Variants in BPGM observed in about 807,000 individuals in gnomAD.
The protein encoded by BPGM is bisphosphoglycerate mutase.
BPGM carries 15 observed loss-of-function variants against 21.6 expected under a neutral mutation model. The observed-to-expected ratio is 0.70, with a 90% CI of 0.47 to 1.07. The LOEUF (loss-of-function observed/expected upper bound fraction) is 1.07. Among genes scored for constraint, BPGM ranks in the 50% least tolerant of loss-of-function variants. The pLI is 0.00. For synonymous variants in BPGM, 113 were observed against 116.2 expected, an observed-to-expected ratio of 0.97 and a Z score of 0.18; for missense variants, 273 against 319.0, an observed-to-expected ratio of 0.86 and a Z score of 1.10.
chr7:134,663,386 T>TGTGTG (rs750220362), intron 2 of BPGM, among the ~76,000 whole-genome samples: 10 of 126,582 alleles, frequency 7.9e-5, no homozygotes, highest in African/African-American at 2.8e-4. Flanking sequence ...GTGTGTGTGT[T>TGTGTG]TGTGTGTGTG....
intron 2 of BPGM, among the ~76,000 whole-genome samples, chr7:134,671,507 AC>A (rs1468080434): frequency 1.3e-5 from 2 of 151,802 alleles, no homozygotes; most frequent in East Asian, 3.9e-4. Flanking sequence ...GACTACAGGT[AC>A]CCGCCACCAC....
intron 2 of BPGM, among the ~76,000 whole-genome samples, chr7:134,669,765 G>A (rs898700986): frequency 6.6e-5 from 10 of 152,016 alleles, no homozygotes; most frequent in Admixed American, 6.6e-5. Flanking sequence ...TAATGCTTTC[G>A]GAAGAAGTCA....
chr7:134,658,892 A>ATTTTTTTTTTT (rs1554411129), intron 1 of BPGM, among the ~76,000 whole-genome samples: 1 of 143,898 alleles, frequency 6.9e-6, no homozygotes. Flanking sequence ...GTGTGTGTGT[A>ATTTTTTTTTTT]TTTTTTTTTT....
At chr7:134,668,986 C>T (rs1489227567) in intron 2 of BPGM, among the ~76,000 whole-genome samples, 1 of 152,172 alleles carries the variant, frequency 6.6e-6, no homozygotes, top group Non-Finnish European at 1.5e-5. Flanking sequence ...TATTACACTA[C>T]TGTATGCAGT....
chr7:134,671,098 TTC>T (rs1383656336), intron 2 of BPGM, among the ~76,000 whole-genome samples: 2 of 152,180 alleles, frequency 1.3e-5, no homozygotes, highest in African/African-American at 4.8e-5. Context: ...TAATCAAGGC[TTC>T]AACAATAAAA....
chr7:134,664,276 AG>A (rs1478315608), intron 2 of BPGM, among the ~76,000 whole-genome samples: 1 of 152,170 alleles, frequency 6.6e-6, no homozygotes, highest in African/African-American at 2.4e-5. Context: ...TCCCAAATCA[AG>A]GTGTGAGCAG....
chr7:134,672,115 G>A (rs151130431), intron 2 of BPGM, among the ~76,000 whole-genome samples: 1 of 152,104 alleles, frequency 6.6e-6, no homozygotes, highest in African/African-American at 2.4e-5. Flanking sequence ...CCCAATTTTG[G>A]CCTTGAGCTA....
At chr7:134,667,844 C>A (rs1364441) in intron 2 of BPGM, among the ~76,000 whole-genome samples, 110,966 of 152,028 alleles carry the variant, frequency 0.73, 42,052 homozygotes, top group East Asian at 0.96. Flanking sequence ...CCTACTGGGG[C>A]GGAGTGTGGT....
rs201505421 is a variant in BPGM, at chr7:134,662,043, G to C, written c.536G>C (p.Arg179Pro). The C allele has an allele frequency of 8.7e-6, 14 of 1,614,154 alleles. No homozygotes were observed. Among genetic ancestry groups the C allele is most frequent in the Admixed American group, 5.0e-5 (3 of 60,006 alleles). ...GAAAGGATTGCTCCCGAAGTATTACGTGGCAAAACCATTCTGATATCTGCT... is the reference window on the plus strand; with the variant it reads ...GAAAGGATTGCTCCCGAAGTATTACCTGGCAAAACCATTCTGATATCTGCT... Reference protein sequence around the residue: ...WNERIAPEVLRGKTILISAHG... With the variant: ...WNERIAPEVLPGKTILISAHG... The change falls in exon 2 of 3, where the codon CGT becomes CCT. Residue 179 changes from arginine (R) to proline (P), a missense_variant. Arg to Pro is a moderately radical substitution (Grantham distance 103). Coordinates refer to ENST00000344924, the MANE Select transcript of BPGM (RefSeq NM_001724.5).
At chr7:134,654,319 A>G (rs4142280) in intron 1 of BPGM, among the ~76,000 whole-genome samples, 88,258 of 151,544 alleles carry the variant, frequency 0.58, 26,660 homozygotes, top group East Asian at 0.89. Flanking sequence ...TAATGTGATT[A>G]AAGCAGTGAG....
At chr7:134,654,417 C>T (rs1261571447) in intron 1 of BPGM, among the ~76,000 whole-genome samples, 1 of 152,118 alleles carries the variant, frequency 6.6e-6, no homozygotes, top group Non-Finnish European at 1.5e-5. Flanking sequence ...ACAGACTTCT[C>T]GAGACTAAAT....
At chr7:134,663,225 T>A (rs1231145747) in intron 2 of BPGM, among the ~76,000 whole-genome samples, 1 of 152,254 alleles carries the variant, frequency 6.6e-6, no homozygotes, top group African/African-American at 2.4e-5. Flanking sequence ...ATCTTTAGCA[T>A]GTGATTATTT....
intron 1 of BPGM, among the ~76,000 whole-genome samples, chr7:134,658,892 A>ATTTTTTTTTTTTTTTTTTTTTTTTTT (rs1554411129): frequency 1.4e-5 from 2 of 143,894 alleles, no homozygotes; most frequent in African/African-American, 5.2e-5. Flanking sequence ...GTGTGTGTGT[A>ATTTTTTTTTTTTTTTTTTTTTTTTTT]TTTTTTTTTT....
intron 2 of BPGM, among the ~76,000 whole-genome samples, chr7:134,662,342 G>A (rs1400673353): frequency 6.6e-6 from 1 of 152,232 alleles, no homozygotes; most frequent in Non-Finnish European, 1.5e-5. Context: ...ACCTGGAGAG[G>A]TTGGTGTATC....
chr7:134,657,562 G>T (rs2131423568), intron 1 of BPGM, among the ~76,000 whole-genome samples: 1 of 152,274 alleles, frequency 6.6e-6, no homozygotes, highest in South Asian at 2.1e-4. Context: ...TGGGGGAGGG[G>T]CGATTTGGTC....
chr7:134,674,650 T>G lies in BPGM; in HGVS notation c.602-4203T>G, dbSNP rs573847274. On this transcript the variant is annotated intron_variant, in intron 2 of 2. Transcript: ENST00000344924. ...ATTGTATGGATATACCACATTTAATTTATCTGTTCATTAGTTAATGGACAT... is the reference window on the plus strand; with the variant it reads ...ATTGTATGGATATACCACATTTAATGTATCTGTTCATTAGTTAATGGACAT... 2.6e-5 allele frequency among the ~76,000 whole-genome samples: 4 copies of G among 152,366 alleles called. 1 individual carries two copies. The highest frequency in any genetic ancestry group is 7.2e-5 in the African/African-American group (3 of 41,580).
intron 1 of BPGM, chr7:134,660,860 C>G (rs1795718747): frequency 6.5e-6 from 1 of 154,328 alleles, no homozygotes; most frequent in Non-Finnish European, 1.4e-5. Context: ...GTTTTGCATA[C>G]CTTAGATTTT....
intron 2 of BPGM, among the ~76,000 whole-genome samples, chr7:134,663,404 G>C (rs1001117219): frequency 1.3e-5 from 2 of 152,152 alleles, no homozygotes; most frequent in South Asian, 4.1e-4. Flanking sequence ...GTGCACGTGC[G>C]CATGTGCGTG....
chr7:134,647,513 G>A (rs1012683916), intron 1 of BPGM, among the ~76,000 whole-genome samples: 2 of 152,292 alleles, frequency 1.3e-5, no homozygotes, highest in Non-Finnish European at 2.9e-5. Context: ...TCTAAGGGAC[G>A]AGCTGGTATT....
Sources: gnomAD v4.1 joint callset for allele counts (sites outside exome capture counted in the v4.1 genomes callset) on GRCh38, gnomAD v4.1.1 for gene constraint, MANE v1.5 for transcripts, NCBI Gene and HGNC (gene_info 2026-07-23, HGNC 2026-07-21) for gene names.